The following SUCLG2 variants were observed in gnomAD, a reference collection of about 807,000 sequenced individuals.
SUCLG2 encodes succinate--CoA ligase [GDP-forming] subunit beta, mitochondrial.
A neutral mutation model predicts 47.9 loss-of-function variants in SUCLG2; 42 were observed. The ratio of observed to expected loss-of-function variants is 0.88; its 90% CI spans 0.69 to 1.14. The LOEUF is 1.14. Among genes scored for constraint, SUCLG2 ranks in the 50% most tolerant of loss-of-function variants. The pLI is 0.00. For synonymous variants in SUCLG2, 195 were observed against 197.3 expected (o/e 0.99, Z 0.10); for missense variants, 571 against 525.9 (o/e 1.09, Z -0.84).
intron 9 of SUCLG2, among the ~76,000 whole-genome samples, chr3:67,451,489 G>A (rs1052062275): frequency 6.6e-6 from 1 of 152,150 alleles, no homozygotes; most frequent in Non-Finnish European, 1.5e-5. Flanking sequence ...TAATCCTCAA[G>A]GGAGGTACAC....
At chr3:67,393,699 G>A (rs1157858321) in intron 10 of SUCLG2, among the ~76,000 whole-genome samples, 1 of 152,206 alleles carries the variant, frequency 6.6e-6, no homozygotes, top group Admixed American at 6.5e-5. Flanking sequence ...CTGGAGATCT[G>A]AGAACGGGCA....
downstream of SUCLG2, among the ~76,000 whole-genome samples, chr3:67,370,742 C>G (rs918512876): frequency 3.5e-4 from 53 of 152,154 alleles, no homozygotes; most frequent in African/African-American, 1.2e-3. Flanking sequence ...AATGTGGTCT[C>G]TCTCAAAACA....
chr3:67,378,862 A>T (rs549912835), intron 10 of SUCLG2, among the ~76,000 whole-genome samples: 2 of 152,360 alleles, frequency 1.3e-5, no homozygotes, highest in South Asian at 4.1e-4. Flanking sequence ...CATGGCTTTC[A>T]TGGAGTAATG....
chr3:67,512,626 G>T (rs1364787986), intron 6 of SUCLG2, among the ~76,000 whole-genome samples: 2 of 150,968 alleles, frequency 1.3e-5, no homozygotes, highest in Admixed American at 1.3e-4. Flanking sequence ...TTAAAAAATT[G>T]TGATAAAATA....
At chr3:67,475,953 C>G (rs1030875836) in intron 9 of SUCLG2, among the ~76,000 whole-genome samples, 3 of 151,692 alleles carry the variant, frequency 2.0e-5, no homozygotes, top group Non-Finnish European at 2.9e-5. Flanking sequence ...CAATTTAAAA[C>G]CACAGAATTT....
chr3:67,511,825 G>A (rs763865244), intron 6 of SUCLG2, among the ~76,000 whole-genome samples: 5 of 144,808 alleles, frequency 3.5e-5, no homozygotes, highest in Non-Finnish European at 5.9e-5. Flanking sequence ...TTAATTTATA[G>A]GAAGAGTGTG....
chr3:67,547,429 C>T (rs970731566), intron 2 of SUCLG2, among the ~76,000 whole-genome samples: 2 of 152,172 alleles, frequency 1.3e-5, no homozygotes, highest in Admixed American at 1.3e-4. Context: ...ACATGGACAT[C>T]CAGAAGTAAA....
chr3:67,646,450 C>A (rs1202915411), intron 1 of SUCLG2, among the ~76,000 whole-genome samples: 1 of 152,060 alleles, frequency 6.6e-6, no homozygotes, highest in African/African-American at 2.4e-5. Context: ...CAAAAATTAG[C>A]TAGGTGTGGT....
rs935132175 is a variant in SUCLG2, at chr3:67,550,892, T to C, written c.227-21706A>G. ...GCTTACGTTTAAGAGTTACTATGAG[T>C]ATTAAACGGGGGGTGGGGGCAGGGG... is the stretch of plus-strand genomic sequence containing the variant. On this transcript the variant is annotated intron_variant, in intron 2 of 10. Transcript: ENST00000307227. Among the ~76,000 whole-genome samples, 6 of 146,582 alleles carry C rather than the reference T, an allele frequency of 4.1e-5. 1 individual carries two copies. The highest frequency in any genetic ancestry group is 4.1e-4 in the Admixed American group (6 of 14,790).
intron 9 of SUCLG2, among the ~76,000 whole-genome samples, chr3:67,450,856 A>G (rs1410853237): frequency 1.3e-5 from 2 of 152,196 alleles, no homozygotes; most frequent in Non-Finnish European, 2.9e-5. Flanking sequence ...TCCCTAACAC[A>G]TAAGTGCAAA....
chr3:67,504,564 A>C (rs768027354), intron 7 of SUCLG2, among the ~76,000 whole-genome samples: 14 of 152,172 alleles, frequency 9.2e-5, no homozygotes, highest in Admixed American at 4.6e-4. Flanking sequence ...AAGAATTCTT[A>C]ATCTCTAGAC....
intron 2 of SUCLG2, among the ~76,000 whole-genome samples, chr3:67,588,056 C>A (rs1708068839): frequency 6.6e-6 from 1 of 152,152 alleles, no homozygotes; most frequent in African/African-American, 2.4e-5. Context: ...GATGTTCAGA[C>A]TGGGAAAAGA....
chr3:67,463,122 C>T (rs930550324), intron 9 of SUCLG2, among the ~76,000 whole-genome samples: 1 of 152,164 alleles, frequency 6.6e-6, no homozygotes, highest in African/African-American at 2.4e-5. Context: ...CATTTGATTG[C>T]TTTAATTAAA....
intron 2 of SUCLG2, among the ~76,000 whole-genome samples, chr3:67,573,204 G>T (rs1305498621): frequency 6.6e-6 from 1 of 152,128 alleles, no homozygotes; most frequent in African/African-American, 2.4e-5. Context: ...CAGACTGGAA[G>T]ATTCAATATT....
chr3:67,394,823 C>T (rs1702484203), intron 10 of SUCLG2, among the ~76,000 whole-genome samples: 1 of 151,922 alleles, frequency 6.6e-6, no homozygotes, highest in Non-Finnish European at 1.5e-5. Flanking sequence ...CAGCGGATCT[C>T]TCGGCAGAAA....
intron 2 of SUCLG2, among the ~76,000 whole-genome samples, chr3:67,540,882 C>G (rs1706686582): frequency 6.6e-6 from 1 of 152,210 alleles, no homozygotes; most frequent in African/African-American, 2.4e-5. Context: ...TCTGCATCCT[C>G]CACTAGTGAT....
chr3:67,493,695 T>G (rs1396570931), intron 9 of SUCLG2, among the ~76,000 whole-genome samples: 1 of 152,198 alleles, frequency 6.6e-6, no homozygotes, highest in African/African-American at 2.4e-5. Flanking sequence ...TACAATCGTC[T>G]GTCCTCTGGG....
intron 1 of SUCLG2, among the ~76,000 whole-genome samples, chr3:67,640,771 T>C (rs1424351839): frequency 6.6e-6 from 1 of 152,244 alleles, no homozygotes; most frequent in Non-Finnish European, 1.5e-5. Flanking sequence ...TGTTCATTAT[T>C]GTTCATTTAC....
chr3:67,621,355 AC>A (rs1700733662), intron 1 of SUCLG2, among the ~76,000 whole-genome samples: 1 of 152,230 alleles, frequency 6.6e-6, no homozygotes, highest in Non-Finnish European at 1.5e-5. Context: ...TATTAGACAC[AC>A]ACACACTTTA....
Sources: allele counts gnomAD v4.1 joint callset (sites outside exome capture counted in the v4.1 genomes callset), GRCh38; gene constraint gnomAD v4.1.1; transcripts MANE v1.5; gene names NCBI Gene and HGNC (gene_info 2026-07-23, HGNC 2026-07-21).